The following PRKCH variants were observed in gnomAD, a reference collection of about 807,000 sequenced individuals.
The protein encoded by PRKCH is protein kinase C eta type.
Under a neutral mutation model 82.5 loss-of-function variants are expected in PRKCH, and 28 were observed. The observed-to-expected ratio is 0.34, with a 90% CI of 0.25 to 0.47. The LOEUF (loss-of-function observed/expected upper bound fraction) is 0.47. Among genes scored for constraint, PRKCH ranks in the 20% least tolerant of loss-of-function variants. The pLI, the probability that PRKCH is intolerant of heterozygous loss-of-function variation, is 1.00. For synonymous variants in PRKCH, 322 were observed against 327.4 expected, an observed-to-expected ratio of 0.98 and a Z score of 0.18; for missense variants, 705 against 881.8, an observed-to-expected ratio of 0.80 and a Z score of 2.54.
intron 1 of PRKCH, among the ~76,000 whole-genome samples, chr14:61,263,828 A>G (rs1482203867): frequency 6.6e-6 from 1 of 150,734 alleles, no homozygotes; most frequent in East Asian, 1.9e-4. Context: ...TCTAAGGAAA[A>G]GCATCTGAAG....
chr14:61,404,110 G>A (rs1195864360), intron 2 of PRKCH, among the ~76,000 whole-genome samples: 1 of 152,170 alleles, frequency 6.6e-6, no homozygotes, highest in East Asian at 1.9e-4. Flanking sequence ...TGGACAGGTA[G>A]TAGGTAGGAA....
At chr14:61,213,557 G>C (rs1383921327) in intron 1 of PRKCH, among the ~76,000 whole-genome samples, 1 of 152,198 alleles carries the variant, frequency 6.6e-6, no homozygotes, top group Non-Finnish European at 1.5e-5. Flanking sequence ...AGCTGTTATG[G>C]TGTCACGTGG....
intron 5 of PRKCH, among the ~76,000 whole-genome samples, chr14:61,449,882 CTCTCTCTCTCTCTCTCTCTG>C (rs775090111): frequency 2.1e-3 from 179 of 85,482 alleles, no homozygotes; most frequent in Middle Eastern, 6.0e-3. Context: ...CTCTCTCTCT[CTCTCTCTCTCTCTCTCTCTG>C]TGTGTGTGTG....
At position 61,453,281 on chromosome 14, in the gene PRKCH, G is replaced by A. The variant is rs771252554; in HGVS notation, c.888G>A (p.Gly296=). Residue 296 remains glycine (G), a synonymous_variant, in exon 7 of 14, where the codon GGG becomes GGA. Transcript: ENST00000332981. ...AAGCGAACGTGGCCCCTAACTGTGG[G>A]GTAAATGCGGTGGAACTTGCCAAGA... ...RCQANVAPNC[G]VNAVELAKTL... 3.1e-6 allele frequency: 5 copies of A among 1,614,150 alleles called. No individual in the cohort carries two copies. In the South Asian group the frequency reaches 5.5e-5, roughly 18 times the overall value.
chr14:61,223,129 T>C (rs2044668245), intron 1 of PRKCH, among the ~76,000 whole-genome samples: 1 of 152,214 alleles, frequency 6.6e-6, no homozygotes, highest in African/African-American at 2.4e-5. Flanking sequence ...TTTCTTAGGC[T>C]TTTAGAAGTG....
intron 10 of PRKCH, among the ~76,000 whole-genome samples, chr14:61,513,720 A>G (rs2042781006): frequency 6.6e-6 from 1 of 152,112 alleles, no homozygotes; most frequent in South Asian, 2.1e-4. Flanking sequence ...GTATGACAGT[A>G]TGATAGTTTG....
At chr14:61,364,053 TTGTGTGTATATATATAAATA>T (rs2046267318) in intron 1 of PRKCH, among the ~76,000 whole-genome samples, 1 of 147,254 alleles carries the variant, frequency 6.8e-6, no homozygotes, top group African/African-American at 2.5e-5. Context: ...ATATATATAT[TTGTGTGTATATATATAAATA>T]AATTGCCCAG....
chr14:61,419,924 G>T (rs78487556), intron 2 of PRKCH, among the ~76,000 whole-genome samples: 71 of 152,300 alleles, frequency 4.7e-4, no homozygotes, highest in Admixed American at 8.5e-4. Context: ...ACCACAATTT[G>T]CCCTGTTTTG....
chr14:61,355,679 G>A (rs1157035297), intron 1 of PRKCH, among the ~76,000 whole-genome samples: 1 of 152,094 alleles, frequency 6.6e-6, no homozygotes, highest in Non-Finnish European at 1.5e-5. Context: ...TTCTTGATTA[G>A]TATTGCCCTG....
At chr14:61,486,320 C>G (rs1273367512) in intron 10 of PRKCH, among the ~76,000 whole-genome samples, 2 of 152,150 alleles carry the variant, frequency 1.3e-5, no homozygotes, top group African/African-American at 4.8e-5. Context: ...GAGCATGGCT[C>G]ACCAGTCAGG....
chr14:61,507,551 AATAG>A (rs1367851586), intron 10 of PRKCH, among the ~76,000 whole-genome samples: 3 of 152,280 alleles, frequency 2.0e-5, no homozygotes, highest in Non-Finnish European at 4.4e-5. Context: ...TCTGCAGACA[AATAG>A]ATAAAGAAAA....
chr14:61,319,964 T>C (rs1163108320), upstream of PRKCH, among the ~76,000 whole-genome samples: 6 of 152,332 alleles, frequency 3.9e-5, no homozygotes, highest in East Asian at 9.6e-4. Context: ...CTTGCACTCA[T>C]GTGAAATCGT....
chr14:61,393,576 T>C (rs764537223), intron 2 of PRKCH, among the ~76,000 whole-genome samples: 23 of 152,222 alleles, frequency 1.5e-4, no homozygotes, highest in Non-Finnish European at 2.9e-5. Flanking sequence ...GTTCCTATCT[T>C]TCAGCATCCT....
At chr14:61,266,290 C>A (rs555899103) in intron 1 of PRKCH, among the ~76,000 whole-genome samples, 1 of 151,548 alleles carries the variant, frequency 6.6e-6, no homozygotes, top group South Asian at 2.1e-4. Flanking sequence ...TGATGGCATG[C>A]ACCTGTAATT....
intron 1 of PRKCH, among the ~76,000 whole-genome samples, chr14:61,378,379 A>AT (rs573024882): frequency 5.3e-4 from 80 of 151,680 alleles, no homozygotes; most frequent in African/African-American, 1.8e-3. Context: ...CATCTGGCTA[A>AT]TTTTTTTTAT....
rs563192689 is a variant in PRKCH at position 61,358,327 on chromosome 14, G to A, written c.364-32898G>A. 1.6e-4 allele frequency among the ~76,000 whole-genome samples: 25 copies of A among 152,254 alleles called. 1 individual carries two copies. In the South Asian group the frequency reaches 4.6e-3, roughly 28 times the overall value. On this transcript the variant is annotated intron_variant, in intron 1 of 13. Coordinates refer to ENST00000332981, the MANE Select transcript of PRKCH (RefSeq NM_006255.5). ...TTCTCTTTCAGTTTCCCTCATCCAC[G>A]GAGACATCCAAGCCAGAAACCTGGG...
chr14:61,379,920 G>T (rs1338954102), intron 1 of PRKCH, among the ~76,000 whole-genome samples: 1 of 152,158 alleles, frequency 6.6e-6, no homozygotes, highest in Non-Finnish European at 1.5e-5. Context: ...TCATGTAGGG[G>T]ACACACGGTG....
chr14:61,425,818 A>G (rs1455893209), intron 2 of PRKCH, among the ~76,000 whole-genome samples: 1 of 152,094 alleles, frequency 6.6e-6, no homozygotes, highest in African/African-American at 2.4e-5. Flanking sequence ...AGTATTGACT[A>G]GAGACCTGGT....
intron 9 of PRKCH, among the ~76,000 whole-genome samples, chr14:61,479,977 G>T (rs374640454): frequency 4.6e-5 from 7 of 152,328 alleles, no homozygotes; most frequent in East Asian, 3.9e-4. Context: ...AGGGACAAAA[G>T]AGAGGAGCAG....
Sources: gnomAD v4.1 joint callset for allele counts (sites outside exome capture counted in the v4.1 genomes callset) on GRCh38, gnomAD v4.1.1 for gene constraint, MANE v1.5 for transcripts, NCBI Gene and HGNC (gene_info 2026-07-23, HGNC 2026-07-21) for gene names.